Variants in SLC35B3 observed in about 807,000 individuals in gnomAD.
The protein encoded by SLC35B3 is adenosine 3'-phospho 5'-phosphosulfate transporter 2.
Under a neutral mutation model 44.1 loss-of-function variants are expected in SLC35B3, and 35 were observed. The ratio of observed to expected loss-of-function variants is 0.79; its 90% CI spans 0.61 to 1.05. SLC35B3 has a LOEUF of 1.05. Among genes scored for constraint, SLC35B3 ranks in the 50% least tolerant of loss-of-function variants. The pLI is 0.00. For missense variants in SLC35B3, 414 were observed against 476.4 expected (o/e 0.87, Z 1.22); for synonymous variants, 146 against 167.3 (o/e 0.87, Z 0.98).
In SLC35B3 at chr6:8,434,951, C is replaced by T; in HGVS notation, c.-44+392G>A. The T allele has an allele frequency of 4.4e-6, 2 of 453,990 alleles. No individual in the cohort carries two copies. Among genetic ancestry groups the T allele is most frequent in the South Asian group, 2.6e-5 (1 of 38,622 alleles). The allele number at this position is 453,990 out of a possible 1,614,324, so 28.1% of individuals were successfully genotyped here. ...ATGGAGAAAAGAGTACCTTGGAGTGCCCCTATTTAATAAACACGGAACGAG... is the reference window on the plus strand; with the variant it reads ...ATGGAGAAAAGAGTACCTTGGAGTGTCCCTATTTAATAAACACGGAACGAG... On this transcript the variant is annotated intron_variant, in intron 1 of 10. Transcript: ENST00000644923. This position sits in a 1 kb window ranked among gnomAD's most constrained non-coding sequence, Gnocchi z 6.3.
At chr6:8,418,193 G>C (rs1210374921) in intron 7 of SLC35B3, among the ~76,000 whole-genome samples, 1 of 152,074 alleles carries the variant, frequency 6.6e-6, no homozygotes, top group Non-Finnish European at 1.5e-5. Flanking sequence ...TATGAACTGA[G>C]CTATCTTATT....
rs747954614 is a variant in SLC35B3 at position 8,413,361 on chromosome 6, G to C, written c.*188C>G. The C allele has an allele frequency of 3.4e-5, 17 of 503,310 alleles. No homozygotes were observed. The highest frequency in any genetic ancestry group is 4.5e-5 in the Non-Finnish European group (13 of 290,120). 31.2% of individuals were successfully genotyped at this position (503,310 alleles called of 1,614,324 possible). A position where few individuals can be genotyped will look rare whatever the true frequency, so the allele number is the denominator to read the frequency against. ...TCTGCTAGACGTGGCTCTCTTGATT[G>C]CTTTGGAAGTCAGTCAAACAAATGC... On this transcript the variant is annotated 3_prime_UTR_variant, in exon 11 of 11. Coordinates refer to ENST00000644923, the MANE Select transcript of SLC35B3 (RefSeq NM_001370476.2).
chr6:8,432,885 C>T lies in SLC35B3; in HGVS notation c.3+1500G>A, dbSNP rs768014543. Among the ~76,000 whole-genome samples the T allele has an allele frequency of 6.6e-5, 10 of 152,162 alleles. No homozygotes were observed. The highest frequency in any genetic ancestry group is 1.7e-4 in the African/African-American group (7 of 41,432). ...TTCTCTCCTGAGATCCAGAGCTCTACGTCTAAATGCTTCTTTGATACCTCT... is the reference window on the plus strand; with the variant it reads ...TTCTCTCCTGAGATCCAGAGCTCTATGTCTAAATGCTTCTTTGATACCTCT... On this transcript the variant is annotated intron_variant, in intron 2 of 10. Transcript: ENST00000644923. This position sits in a 1 kb window ranked among gnomAD's most constrained non-coding sequence, Gnocchi z 4.8.
chr6:8,429,673 C>T, intron 3 of SLC35B3, 191 bp downstream of exon 2: 2 of 448,016 alleles, frequency 4.5e-6, no homozygotes, highest in East Asian at 7.0e-5. Context: ...TATGCCTCCT[C>T]CCCACTTAAA....
At chr6:8,424,958 A>T (rs1763278425) in intron 4 of SLC35B3, among the ~76,000 whole-genome samples, 1 of 152,266 alleles carries the variant, frequency 6.6e-6, no homozygotes, top group African/African-American at 2.4e-5. Context: ...GAGTAGCAGT[A>T]CCATTAAATA....
chr6:8,415,691 AG>A (rs946318418), intron 9 of SLC35B3, among the ~76,000 whole-genome samples: 1 of 152,220 alleles, frequency 6.6e-6, no homozygotes, highest in Non-Finnish European at 1.5e-5. Context: ...TGAATTCCAA[AG>A]GAAGAAGCTG....
At chr6:8,423,751 T>C (rs550914718) in intron 4 of SLC35B3, among the ~76,000 whole-genome samples, 1 of 152,330 alleles carries the variant, frequency 6.6e-6, no homozygotes, top group Admixed American at 6.5e-5. Flanking sequence ...AAATGCATCA[T>C]TTACATTCGA....
At chr6:8,425,172 C>T (rs1488767115) in intron 4 of SLC35B3, among the ~76,000 whole-genome samples, 10 of 152,114 alleles carry the variant, frequency 6.6e-5, no homozygotes, top group Non-Finnish European at 1.0e-4. Flanking sequence ...CCCCTCTCAT[C>T]GGGGTAGCTG....
At chr6:8,431,996 G>A (rs1165102764) in intron 2 of SLC35B3, among the ~76,000 whole-genome samples, 1 of 152,024 alleles carries the variant, frequency 6.6e-6, no homozygotes, top group East Asian at 1.9e-4. Context: ...TCAAGGTCAG[G>A]TTTGGAAGTT....
At position 8,429,850 on chromosome 6, in the gene SLC35B3, T is replaced by C. The variant is rs944491064; in HGVS notation, c.297+14A>G. ...ATAAATAATTAACATATTACAAACA[T>C]ATAACTTTTTTACCTGTAAATACCC... On this transcript the variant is annotated intron_variant, in intron 3 of 10. Transcript: ENST00000644923. 6.0e-6 allele frequency: 9 copies of C among 1,506,962 alleles called. No homozygotes were observed. The African/African-American group carries it at 1.3e-4, about 21-fold the overall frequency. 93.3% of individuals were successfully genotyped at this position (1,506,962 alleles called of 1,614,324 possible).
At chr6:8,423,562 T>C (rs960428734) in intron 4 of SLC35B3, among the ~76,000 whole-genome samples, 1 of 152,202 alleles carries the variant, frequency 6.6e-6, no homozygotes, top group Non-Finnish European at 1.5e-5. Context: ...CTAATAATCT[T>C]GTCTACTGGT....
Position 8,433,686 on chromosome 6 carries a change from A to G in SLC35B3, c.3+699T>C, listed in dbSNP as rs1764207010. On this transcript the variant is annotated intron_variant, in intron 2 of 10. Transcript: ENST00000644923. This position sits in a 1 kb window ranked among gnomAD's most constrained non-coding sequence, Gnocchi z 4.1. ...TCCCCACAAAACATTTGAAATGAACATGAAAATAAATTTGTTTCCTCTGCC... is the reference window on the plus strand; with the variant it reads ...TCCCCACAAAACATTTGAAATGAACGTGAAAATAAATTTGTTTCCTCTGCC... Among the ~76,000 whole-genome samples the G allele has an allele frequency of 6.6e-6, 1 of 152,208 alleles. No homozygotes were observed.
chr6:8,434,398 CTTGA>C lies in SLC35B3; in HGVS notation c.-15_-12del. The C allele has an allele frequency of 6.8e-6, 11 of 1,612,846 alleles. No individual in the cohort carries two copies. Among genetic ancestry groups the C allele is most frequent in the East Asian group, 4.5e-5 (2 of 44,736 alleles). On this transcript the variant is annotated 5_prime_UTR_variant, in exon 2 of 11. Coordinates refer to ENST00000644923, the MANE Select transcript of SLC35B3 (RefSeq NM_001370476.2). The surrounding 1 kb of genome is among the most constrained non-coding windows in gnomAD (Gnocchi z 6.3). ...AAAGAATCTTACCATGCCATTATGC[CTTGA>C]TTAACTGCGCTCCGGAATCAATCAT...
rs5874147 is a variant in SLC35B3, at chr6:8,434,033, AATAT to A, written c.3+348_3+351del. Among the ~76,000 whole-genome samples the A allele has an allele frequency of 4.1e-5, 2 of 48,228 alleles. No homozygotes were observed. The highest frequency in any genetic ancestry group is 6.1e-4 in the East Asian group (1 of 1,648). 31.6% of individuals were successfully genotyped at this position (48,228 alleles called of 152,430 possible). A position where few individuals can be genotyped will look rare whatever the true frequency, so the allele number is the denominator to read the frequency against. On this transcript the variant is annotated intron_variant, in intron 2 of 10. Coordinates refer to ENST00000644923, the MANE Select transcript of SLC35B3 (RefSeq NM_001370476.2). The surrounding 1 kb of genome is among the most constrained non-coding windows in gnomAD (Gnocchi z 6.3). ...AGCTCACAGTAATCAGTGAAACTAA[AATAT>A]ATATATATATATTTTAAAAATCACA...
At position 8,435,227 on chromosome 6, in the gene SLC35B3, C is replaced by A. The variant is rs1178117581; in HGVS notation, c.-44+116G>T. ...GAATCACCCGTTTCTTCCATCCCGACCTCATCCATTCCTCGAACGCTCCTT... is the reference window on the plus strand; with the variant it reads ...GAATCACCCGTTTCTTCCATCCCGAACTCATCCATTCCTCGAACGCTCCTT... On this transcript the variant is annotated intron_variant, in intron 1 of 10. Transcript: ENST00000644923. This position sits in a 1 kb window ranked among gnomAD's most constrained non-coding sequence, Gnocchi z 5.5. The A allele has an allele frequency of 2.3e-6, 3 of 1,289,324 alleles. No homozygotes were observed. The highest frequency in any genetic ancestry group is 3.0e-6 in the Non-Finnish European group (3 of 988,866). The allele number at this position is 1,289,324 out of a possible 1,614,324, so 79.9% of individuals were successfully genotyped here. A position where few individuals can be genotyped will look rare whatever the true frequency, so the allele number is the denominator to read the frequency against.
intron 3 of SLC35B3, among the ~76,000 whole-genome samples, chr6:8,429,059 A>C (rs961918274): frequency 6.6e-5 from 10 of 152,204 alleles, no homozygotes; most frequent in African/African-American, 2.4e-4. Flanking sequence ...ACTAAAGAAT[A>C]CTGGAAATAT....
At chr6:8,430,877 G>A (rs752074102) in intron 2 of SLC35B3, among the ~76,000 whole-genome samples, 39 of 151,392 alleles carry the variant, frequency 2.6e-4, no homozygotes, top group South Asian at 4.2e-4. Flanking sequence ...CAGCCTGGGC[G>A]ACAGAGCCAG....
At chr6:8,416,848 C>A in intron 9 of SLC35B3, 36 bp downstream of exon 8, 2 of 1,086,256 alleles carry the variant, frequency 1.8e-6, no homozygotes, top group East Asian at 2.5e-5. Flanking sequence ...AATGTAAATG[C>A]TTATTTTATA....
chr6:8,418,822 C>A, intron 7 of SLC35B3: 1 of 224,246 alleles, frequency 4.5e-6, no homozygotes, highest in South Asian at 4.8e-5. Context: ...AATCACAATA[C>A]CAATGGGATT....
Sources: allele counts gnomAD v4.1 joint callset (sites outside exome capture counted in the v4.1 genomes callset), GRCh38; gene constraint gnomAD v4.1.1; non-coding constraint Gnocchi (gnomAD v3.1); transcripts MANE v1.5; gene names NCBI Gene and HGNC (gene_info 2026-07-23, HGNC 2026-07-21).